The following MYH15 variants were observed in gnomAD, a reference collection of about 807,000 sequenced individuals.
The protein encoded by MYH15 is myosin heavy chain 15.
A neutral mutation model predicts 240.5 loss-of-function variants in MYH15; 227 were observed. That is an observed-to-expected ratio of 0.94 (90% CI 0.85 to 1.05). The LOEUF (loss-of-function observed/expected upper bound fraction) is 1.05. Ranked by LOEUF, MYH15 falls within the 50% of genes least tolerant of loss-of-function variation. The probability of loss-of-function intolerance (pLI) is 0.00; values close to 1 mark genes in which losing one functional copy is unlikely to be tolerated. For synonymous variants in MYH15, 785 were observed against 796.7 expected (o/e 0.99, Z 0.25); for missense variants, 2,217 against 2,247.5 (o/e 0.99, Z 0.27).
At chr3:108,542,795 G>A in the MYH15 span, among the ~76,000 whole-genome samples, 1 of 151,876 alleles carries the variant, frequency 6.6e-6, no homozygotes, top group Non-Finnish European at 1.5e-5. Flanking sequence ...AGAACATGCA[G>A]CGTTTGGTTT....
In MYH15 at chr3:108,410,899, G is replaced by A. The variant is rs755486440; in HGVS notation, c.4179C>T (p.Ala1393=). The A allele has an allele frequency of 1.2e-5, 19 of 1,605,664 alleles. No individual in the cohort carries two copies. Among genetic ancestry groups the A allele is most frequent in the Middle Eastern group, 3.3e-4 (2 of 6,060 alleles). The change falls in exon 31 of 41, where the codon GCC becomes GCT. Residue 1393 remains alanine, a synonymous_variant. Coordinates refer to ENST00000693548, the MANE Select transcript of MYH15 (RefSeq NM_014981.3). The part of the protein sequence containing the change: ...KELAIRLQEA[A]EAMGVANARN... ...TGGCATTGGCCACCCCCATGGCTTC[G>A]GCTGCCTCCTGCAATCTAATTGCCA...
intron 11 of MYH15, among the ~76,000 whole-genome samples, chr3:108,478,870 G>A (rs182333662): frequency 1.8e-4 from 28 of 152,216 alleles, no homozygotes; most frequent in Admixed American, 7.2e-4. Flanking sequence ...TCTCTGAGGA[G>A]TATCCCACCT....
chr3:108,500,647 A>G lies in MYH15; in HGVS notation c.340-373T>C, dbSNP rs568360240. The stretch of plus-strand genomic sequence containing the variant: ...TAGGGGTTTGATTTTTAGGGCACTG[A>G]GAAGGACTAGCTCATGTGGGTCACT... On this transcript the variant is annotated intron_variant, in intron 3 of 40. Transcript: ENST00000693548. Among the ~76,000 whole-genome samples the G allele has an allele frequency of 3.3e-5, 5 of 152,280 alleles. No homozygotes were observed. In the South Asian group the frequency reaches 8.3e-4, roughly 25 times the overall value.
chr3:108,446,797 G>A (rs1370538218), intron 21 of MYH15, among the ~76,000 whole-genome samples: 10 of 152,130 alleles, frequency 6.6e-5, no homozygotes, highest in Admixed American at 1.3e-4. Flanking sequence ...TTCTTCAAAT[G>A]TACAGACATT....
chr3:108,396,356 G>A (rs964336876), intron 35 of MYH15, among the ~76,000 whole-genome samples: 5 of 98,752 alleles, frequency 5.1e-5, no homozygotes, highest in African/African-American at 1.0e-4. Flanking sequence ...GGGGGGAGAC[G>A]GTTTGGGGAT....
In MYH15 at chr3:108,391,835, T is replaced by C. The variant is rs1196305426; in HGVS notation, c.5355A>G (p.Leu1785=). 4.3e-6 allele frequency: 7 copies of C among 1,614,032 alleles called. No individual in the cohort carries two copies. Among genetic ancestry groups the C allele is most frequent in the Non-Finnish European group, 5.9e-6 (7 of 1,180,002 alleles). ...GTTCAGCTTCAGCCAGCCTTTTCTG[T>C]AAGTCTGTAATTGTCTGCTCCATAT... The part of the protein sequence containing the change: ...RENMEQTITD[L]QKRLAEAEQM... The change falls in exon 37 of 41, where the codon TTA becomes TTG. Residue 1785 remains leucine, a synonymous_variant. Transcript: ENST00000693548.
chr3:108,421,531 T>C (rs1335037280), intron 27 of MYH15, among the ~76,000 whole-genome samples: 1 of 152,244 alleles, frequency 6.6e-6, no homozygotes, highest in African/African-American at 2.4e-5. Context: ...AGATACATGA[T>C]CCTTTTCTGA....
Position 108,434,950 on chromosome 3 carries a change from C to T in MYH15, c.3221+2604G>A, listed in dbSNP as rs189270722. ...TTCATTGTTTTATTTTGAATGCCCT[C>T]GTTTACTAGTAATGACTGCATCTTG... On this transcript the variant is annotated intron_variant, in intron 25 of 40. Coordinates refer to ENST00000693548, the MANE Select transcript of MYH15 (RefSeq NM_014981.3). Among the ~76,000 whole-genome samples the T allele has an allele frequency of 3.3e-5, 5 of 152,300 alleles. No individual in the cohort carries two copies. In the South Asian group the frequency reaches 6.2e-4, roughly 19 times the overall value.
the MYH15 span, among the ~76,000 whole-genome samples, chr3:108,546,751 G>A: frequency 6.6e-6 from 1 of 152,144 alleles, no homozygotes; most frequent in Non-Finnish European, 1.5e-5. Context: ...AGTTTTAAGA[G>A]TTATACCTCT....
the MYH15 span, chr3:108,550,970 T>C: frequency 8.1e-6 from 3 of 371,380 alleles, no homozygotes; most frequent in South Asian, 1.4e-4. Flanking sequence ...ACTTAGAAAA[T>C]TAAATTTCTA....
At chr3:108,453,884 T>C in intron 21 of MYH15, 122 bp downstream of exon 21, 1 of 994,376 alleles carries the variant, frequency 1.0e-6, no homozygotes, top group Non-Finnish European at 1.4e-6. Context: ...TTTAAAAATG[T>C]TTAAGACCCA....
At chr3:108,392,816 A>G (rs4855651) in intron 36 of MYH15, among the ~76,000 whole-genome samples, 37,037 of 152,208 alleles carry the variant, frequency 0.24, 4,789 homozygotes, top group Middle Eastern at 0.34. Flanking sequence ...GCATATGTTT[A>G]TCAAACAGGA....
chr3:108,400,633 A>G (rs943029039), intron 33 of MYH15, among the ~76,000 whole-genome samples: 9 of 152,076 alleles, frequency 5.9e-5, no homozygotes, highest in Admixed American at 1.3e-4. Flanking sequence ...ACACGGTGAA[A>G]TCCCATCCCT....
At chr3:108,440,948 T>C (rs1226465629) in intron 23 of MYH15, 70 bp downstream of exon 23, 1 of 1,584,416 alleles carries the variant, frequency 6.3e-7, no homozygotes, top group Non-Finnish European at 8.6e-7. Context: ...GCAAGTCAGA[T>C]ACCAAAACCT....
At chr3:108,481,003 C>A (rs549937422) in intron 11 of MYH15, among the ~76,000 whole-genome samples, 1 of 152,192 alleles carries the variant, frequency 6.6e-6, no homozygotes, top group East Asian at 1.9e-4. Flanking sequence ...AAAAATTCAA[C>A]ACCTCCATTT....
chr3:108,493,062 G>A, intron 8 of MYH15, 52 bp downstream of exon 8: 1 of 1,356,974 alleles, frequency 7.4e-7, no homozygotes, highest in Non-Finnish European at 1.0e-6. Flanking sequence ...GAAGGGAAGG[G>A]AAGGAAGGGA....
chr3:108,507,439 T>C lies in MYH15; in HGVS notation c.89-1610A>G, dbSNP rs527427041. ...CTATAACCACAGCACTAACAGGTAA[T>C]GCGAACTCAGTCACCAACCATCACC... On this transcript the variant is annotated intron_variant, in intron 1 of 40. Transcript: ENST00000693548. Among the ~76,000 whole-genome samples, 15 of 67,368 alleles carry C rather than the reference T, an allele frequency of 2.2e-4. No individual in the cohort carries two copies. The East Asian group carries it at 2.9e-3, about 13-fold the overall frequency. 44.2% of individuals were successfully genotyped at this position (67,368 alleles called of 152,430 possible).
intron 21 of MYH15, among the ~76,000 whole-genome samples, chr3:108,445,628 C>A (rs2082920889): frequency 6.6e-6 from 1 of 151,892 alleles, no homozygotes; most frequent in Non-Finnish European, 1.5e-5. Context: ...CTACATAAGG[C>A]CCCCTGAAGA....
chr3:108,402,617 C>T (rs933307859), intron 33 of MYH15, among the ~76,000 whole-genome samples: 1 of 152,202 alleles, frequency 6.6e-6, no homozygotes, highest in African/African-American at 2.4e-5. Context: ...CAACCCAAAA[C>T]AAACAAGCAC....
Sources: allele counts gnomAD v4.1 joint callset (sites outside exome capture counted in the v4.1 genomes callset), GRCh38; gene constraint gnomAD v4.1.1; transcripts MANE v1.5; gene names NCBI Gene and HGNC (gene_info 2026-07-23, HGNC 2026-07-21).